SLC35F3: variants seen among roughly 807,000 people sequenced by gnomAD.
The protein encoded by SLC35F3 is solute carrier family 35 member F3, also known as putative thiamine transporter SLC35F3.
A neutral mutation model predicts 49.9 loss-of-function variants in SLC35F3; 25 were observed. The observed-to-expected ratio is 0.50, with a 90% confidence interval of 0.37 to 0.70. The LOEUF (loss-of-function observed/expected upper bound fraction) is 0.70. Ranked by LOEUF, SLC35F3 falls within the 30% of genes least tolerant of loss-of-function variation. SLC35F3 has a pLI of 0.00. For missense variants in SLC35F3, 525 were observed against 639.8 expected, an observed-to-expected ratio of 0.82 and a Z score of 1.94; for synonymous variants, 275 against 265.4, an observed-to-expected ratio of 1.04 and a Z score of -0.35.
intron 2 of SLC35F3, among the ~76,000 whole-genome samples, chr1:234,227,864 C>G (rs1188517743): frequency 6.6e-6 from 1 of 152,186 alleles, no homozygotes; most frequent in Non-Finnish European, 1.5e-5. Flanking sequence ...CTCCTTCTGT[C>G]TGAAACCTGT....
intron 3 of SLC35F3, among the ~76,000 whole-genome samples, chr1:234,249,837 C>T (rs1667707893): frequency 6.6e-6 from 1 of 152,234 alleles, no homozygotes; most frequent in African/African-American, 2.4e-5. Flanking sequence ...GAGGCTGCAT[C>T]CCCCGAAGTG....
chr1:233,996,542 T>TGG (rs5781773), intron 2 of SLC35F3, among the ~76,000 whole-genome samples: 41,688 of 151,798 alleles, frequency 0.27, 5,945 homozygotes, highest in East Asian at 0.48. Flanking sequence ...GATGAGGACT[T>TGG]GGGGGGAATT....
intron 2 of SLC35F3, among the ~76,000 whole-genome samples, chr1:234,012,318 A>T (rs906711260): frequency 9.9e-5 from 15 of 152,166 alleles, no homozygotes; most frequent in Non-Finnish European, 2.1e-4. Flanking sequence ...CAGGCAGGAG[A>T]CAGTGGCCTT....
At chr1:234,297,510 T>C (rs1324073500) in intron 3 of SLC35F3, among the ~76,000 whole-genome samples, 2 of 152,164 alleles carry the variant, frequency 1.3e-5, no homozygotes, top group African/African-American at 4.8e-5. Flanking sequence ...TAGAGGACAT[T>C]ATGCTAAGTG....
At chr1:234,289,924 G>A (rs1190265237) in intron 3 of SLC35F3, among the ~76,000 whole-genome samples, 1 of 152,226 alleles carries the variant, frequency 6.6e-6, no homozygotes, top group East Asian at 1.9e-4. Flanking sequence ...CCCAGGAGCT[G>A]CTGCACAAAC....
At chr1:234,164,717 G>A (rs994615423) in intron 2 of SLC35F3, among the ~76,000 whole-genome samples, 1 of 151,130 alleles carries the variant, frequency 6.6e-6, no homozygotes, top group Admixed American at 6.6e-5. Flanking sequence ...AGACATCAGA[G>A]CAATTTACCA....
At chr1:233,915,584 A>G (rs898855361) in intron 2 of SLC35F3, among the ~76,000 whole-genome samples, 2 of 152,158 alleles carry the variant, frequency 1.3e-5, no homozygotes, top group Non-Finnish European at 2.9e-5. Flanking sequence ...AAAAGAAAAA[A>G]AGGAATAGAA....
At chr1:234,192,755 C>T (rs182331726) in intron 2 of SLC35F3, among the ~76,000 whole-genome samples, 3 of 152,102 alleles carry the variant, frequency 2.0e-5, no homozygotes, top group African/African-American at 7.2e-5. Flanking sequence ...TTTCAGGATA[C>T]AAAATTAATG....
chr1:234,295,297 C>T (rs555917670), intron 3 of SLC35F3, among the ~76,000 whole-genome samples: 1 of 152,340 alleles, frequency 6.6e-6, no homozygotes, highest in South Asian at 2.1e-4. Context: ...TCCCATTACA[C>T]GTTCTTGAAT....
At chr1:234,192,727 TTAAA>T (rs142045673) in intron 2 of SLC35F3, among the ~76,000 whole-genome samples, 11,181 of 152,138 alleles carry the variant, frequency 0.073, 1,311 homozygotes, top group African/African-American at 0.25. Context: ...CCTAGAACTG[TTAAA>T]TAAATTCAGC....
intron 2 of SLC35F3, among the ~76,000 whole-genome samples, chr1:233,944,261 G>GA (rs1423248976): frequency 6.6e-6 from 1 of 151,854 alleles, no homozygotes; most frequent in Non-Finnish European, 1.5e-5. Context: ...TTGTTTTTTT[G>GA]AAAAAAGTAA....
At chr1:234,313,150 T>C (rs1359134565) in intron 4 of SLC35F3, among the ~76,000 whole-genome samples, 1 of 152,194 alleles carries the variant, frequency 6.6e-6, no homozygotes, top group African/African-American at 2.4e-5. Flanking sequence ...GCACTGGGAT[T>C]ACAGGTGTGA....
At chr1:233,935,511 C>T (rs765096560) in intron 2 of SLC35F3, among the ~76,000 whole-genome samples, 5 of 152,006 alleles carry the variant, frequency 3.3e-5, no homozygotes, top group Non-Finnish European at 7.4e-5. Flanking sequence ...CAGAAGCAAC[C>T]GATTTTTTTT....
intron 2 of SLC35F3, among the ~76,000 whole-genome samples, chr1:234,098,436 G>A (rs1441772960): frequency 6.6e-6 from 1 of 151,238 alleles, no homozygotes; most frequent in Non-Finnish European, 1.5e-5. Context: ...TGGCAGTTCA[G>A]ATGGTGGTGG....
chr1:234,199,572 C>T (rs1457040036), intron 2 of SLC35F3, among the ~76,000 whole-genome samples: 1 of 152,144 alleles, frequency 6.6e-6, no homozygotes, highest in African/African-American at 2.4e-5. Flanking sequence ...GACTTTGTGA[C>T]ATTGGTCTGG....
intron 4 of SLC35F3, among the ~76,000 whole-genome samples, chr1:234,314,185 T>G (rs996412120): frequency 5.9e-5 from 9 of 152,168 alleles, no homozygotes; most frequent in African/African-American, 1.9e-4. Flanking sequence ...AATGAACTGA[T>G]GGGGTGGCAC....
At chr1:234,000,030 G>A (rs1262190150) in intron 2 of SLC35F3, among the ~76,000 whole-genome samples, 1 of 152,006 alleles carries the variant, frequency 6.6e-6, no homozygotes, top group African/African-American at 2.4e-5. Flanking sequence ...CCCTTTAAAG[G>A]GCTATATAAA....
intron 2 of SLC35F3, among the ~76,000 whole-genome samples, chr1:234,017,318 C>G (rs1663817741): frequency 6.6e-6 from 1 of 152,126 alleles, no homozygotes; most frequent in Non-Finnish European, 1.5e-5. Flanking sequence ...AATACTGAAG[C>G]ATTGCTCCTG....
chr1:234,297,403 T>C (rs1251138535), intron 3 of SLC35F3, among the ~76,000 whole-genome samples: 1 of 152,220 alleles, frequency 6.6e-6, no homozygotes, highest in South Asian at 2.1e-4. Flanking sequence ...TGTTTATTGA[T>C]GGATGAATGG....
Sources: gnomAD v4.1 joint callset for allele counts (sites outside exome capture counted in the v4.1 genomes callset) on GRCh38, gnomAD v4.1.1 for gene constraint, MANE v1.5 for transcripts, NCBI Gene and HGNC (gene_info 2026-07-23, HGNC 2026-07-21) for gene names.